XPO6: variants seen among roughly 807,000 people sequenced by gnomAD.
XPO6 encodes the protein exportin-6.
XPO6 carries 3 observed loss-of-function variants against 130.0 expected under a neutral mutation model. The observed-to-expected ratio is 0.02, with a 90% CI of 0.01 to 0.06. The LOEUF (loss-of-function observed/expected upper bound fraction) is 0.06. XPO6 is among the 10% of genes least tolerant of loss of function. The pLI is 1.00. For synonymous variants in XPO6, 524 were observed against 548.9 expected (o/e 0.95, Z 0.63); for missense variants, 970 against 1,393.0 (o/e 0.70, Z 4.83).
In XPO6 at chr16:28,107,616, C is replaced by T. The variant is rs1224924771; in HGVS notation, c.2403G>A (p.Gly801=). The stretch of plus-strand genomic sequence containing the variant: ...AAATCTGTCGAGACTTGGTGGACTC[C>T]CCCGAGATATTCTCCACAATATCTT... The part of the protein sequence containing the change: ...VLEDIVENIS[G]ESTKSRQICY... Residue 801 remains glycine, a synonymous_variant, in exon 18 of 24, where the codon GGG becomes GGA. Coordinates refer to ENST00000304658, the MANE Select transcript of XPO6 (RefSeq NM_015171.4). 1 of 1,614,022 alleles carries T rather than the reference C, an allele frequency of 6.2e-7. No individual in the cohort carries two copies. Among genetic ancestry groups the T allele is most frequent in the African/African-American group, 1.3e-5 (1 of 74,918 alleles).
rs1596766964 is a variant in XPO6 at position 28,100,464 on chromosome 16, A to G, written c.3276+994T>C. 4.6e-5 allele frequency among the ~76,000 whole-genome samples: 7 copies of G among 152,196 alleles called. No homozygotes were observed. The South Asian group carries it at 1.4e-3, about 32-fold the overall frequency. On this transcript the variant is annotated intron_variant, in intron 23 of 23. Coordinates refer to ENST00000304658, the MANE Select transcript of XPO6 (RefSeq NM_015171.4). ...GAGAACAAGTCCCAAGAAAAGGAAG[A>G]CCCCAAGACAAAGGAGAACAGGATG...
chr16:28,112,160 T>G (rs2086940214), intron 16 of XPO6, among the ~76,000 whole-genome samples, 154 bp from the exon 17 acceptor site: 1 of 152,170 alleles, frequency 6.6e-6, no homozygotes, highest in Non-Finnish European at 1.5e-5. Context: ...TTGGTCCAAC[T>G]GGAAGGCAAC....
intron 1 of XPO6, among the ~76,000 whole-genome samples, chr16:28,195,122 G>T (rs1403555729): frequency 6.6e-6 from 1 of 151,858 alleles, no homozygotes; most frequent in Non-Finnish European, 1.5e-5. Context: ...CTCATACAGG[G>T]ATGGCAAGAC....
chr16:28,168,736 G>C (rs1263834809), intron 5 of XPO6, among the ~76,000 whole-genome samples: 1 of 151,218 alleles, frequency 6.6e-6, no homozygotes, highest in Non-Finnish European at 1.5e-5. Flanking sequence ...TGAGTAGCTG[G>C]GACTACAGGC....
chr16:28,169,112 C>T (rs1287894602), intron 5 of XPO6, among the ~76,000 whole-genome samples: 2 of 152,236 alleles, frequency 1.3e-5, no homozygotes, highest in Non-Finnish European at 2.9e-5. Context: ...CAGGGCCTCA[C>T]GGCCAGGCAT....
At position 28,113,429 on chromosome 16, in the gene XPO6, G is replaced by A. The variant is rs1013098355; in HGVS notation, c.2005-379C>T. ...GTTCCAGCAGAGCCAAGATCTCCCC[G>A]AGCCCCCGACTCTTCTGTGCCTTAA... is the stretch of plus-strand genomic sequence containing the variant. On this transcript the variant is annotated intron_variant, in intron 15 of 23. Coordinates refer to ENST00000304658, the MANE Select transcript of XPO6 (RefSeq NM_015171.4). Among the ~76,000 whole-genome samples, 13 of 152,102 alleles carry A rather than the reference G, an allele frequency of 8.5e-5. No individual in the cohort carries two copies. In the East Asian group the frequency reaches 1.9e-3, roughly 23 times the overall value.
chr16:28,117,477 G>A lies in XPO6; in HGVS notation c.1860-15C>T, dbSNP rs1163899252. On this transcript the variant is annotated splice_polypyrimidine_tract_variant and intron_variant, in intron 14 of 23. Transcript: ENST00000304658. Reference sequence around the variant, plus strand: ...ACTGAGCATGCCTGCAGAAAGAAAAGAAGATGTGATTTTAAAGGTTAAGGT... The same window carrying A: ...ACTGAGCATGCCTGCAGAAAGAAAAAAAGATGTGATTTTAAAGGTTAAGGT... The A allele has an allele frequency of 6.2e-7, 1 of 1,609,410 alleles. No homozygotes were observed. Among genetic ancestry groups the A allele is most frequent in the South Asian group, 1.1e-5 (1 of 90,998 alleles).
At chr16:28,178,113 T>C (rs554473890) in intron 2 of XPO6, among the ~76,000 whole-genome samples, 20 of 152,232 alleles carry the variant, frequency 1.3e-4, no homozygotes, top group African/African-American at 4.8e-4. Context: ...GGTCATGAAA[T>C]ATAATCCAAA....
Position 28,107,635 on chromosome 16 carries a change from A to G in XPO6, c.2384T>C (p.Ile795Thr), listed in dbSNP as rs2086815739. 1 of 1,614,094 alleles carries G rather than the reference A, an allele frequency of 6.2e-7. No homozygotes were observed. ...GGACTCCCCCGAGATATTCTCCACAATATCTTCTAAGACGCTGAGTGTCTG... is the reference window on the plus strand; with the variant it reads ...GGACTCCCCCGAGATATTCTCCACAGTATCTTCTAAGACGCTGAGTGTCTG... Reference protein sequence around the residue: ...IHQTLSVLEDIVENISGESTK... With the variant: ...IHQTLSVLEDTVENISGESTK... Residue 795 changes from isoleucine (I) to threonine (T), a missense_variant, in exon 18 of 24, where the codon ATT (isoleucine) becomes ACT (threonine). Ile to Thr is a moderately conservative substitution (Grantham distance 89). Transcript: ENST00000304658.
intron 17 of XPO6, among the ~76,000 whole-genome samples, chr16:28,110,635 T>C (rs2086895532): frequency 6.6e-6 from 1 of 152,238 alleles, no homozygotes; most frequent in African/African-American, 2.4e-5. Context: ...TTACACGTGA[T>C]AAAGCATGAC....
intron 9 of XPO6, among the ~76,000 whole-genome samples, chr16:28,139,065 T>G (rs2042836331): frequency 6.6e-6 from 1 of 152,164 alleles, no homozygotes; most frequent in African/African-American, 2.4e-5. Context: ...AAGTACTCAT[T>G]CATATATTGA....
At chr16:28,143,931 G>A (rs1042424034) in intron 9 of XPO6, among the ~76,000 whole-genome samples, 16 of 152,136 alleles carry the variant, frequency 1.1e-4, no homozygotes, top group African/African-American at 2.6e-4. Context: ...CACCGCACTC[G>A]GCCTTGTACT....
intron 6 of XPO6, among the ~76,000 whole-genome samples, chr16:28,157,727 G>T (rs1399267434): frequency 2.0e-5 from 3 of 152,156 alleles, no homozygotes; most frequent in African/African-American, 4.8e-5. Context: ...ATCAGAAAAA[G>T]CAAATTAAAA....
chr16:28,184,677 A>G (rs2043667364), intron 1 of XPO6, among the ~76,000 whole-genome samples: 1 of 152,166 alleles, frequency 6.6e-6, no homozygotes, highest in Non-Finnish European at 1.5e-5. Flanking sequence ...GTATTCAAAA[A>G]GCCTATAAAT....
At chr16:28,100,022 C>A (rs572927636) in intron 23 of XPO6, among the ~76,000 whole-genome samples, 2 of 152,038 alleles carry the variant, frequency 1.3e-5, no homozygotes, top group African/African-American at 4.8e-5. Flanking sequence ...AAGTCCCACT[C>A]TGCCGCCCAG....
At chr16:28,178,919 T>C (rs1044062915) in intron 2 of XPO6, among the ~76,000 whole-genome samples, 11 of 151,906 alleles carry the variant, frequency 7.2e-5, no homozygotes, top group Admixed American at 2.0e-4. Flanking sequence ...ATACAAAAAT[T>C]AGCTGGGCGT....
In XPO6 at chr16:28,146,271, G is replaced by T. The variant is rs547244793; in HGVS notation, c.1225-68C>A. ...TACTATTCCTTAGAAACACACACAT[G>T]CCAGTGTTTAATTCCAGCAGAATGA... On this transcript the variant is annotated intron_variant, in intron 8 of 23. Transcript: ENST00000304658. The T allele has an allele frequency of 2.9e-5, 33 of 1,142,010 alleles. 2 individuals are homozygous for T. In the African/African-American group the frequency reaches 3.8e-4, roughly 13 times the overall value. The allele number at this position is 1,142,010 out of a possible 1,614,324, so 70.7% of individuals were successfully genotyped here.
chr16:28,181,522 T>TG (rs1347266895), intron 1 of XPO6, among the ~76,000 whole-genome samples: 22 of 151,346 alleles, frequency 1.5e-4, no homozygotes, highest in Non-Finnish European at 2.4e-4. Context: ...AGAGTGGTTT[T>TG]TTTTTTTTTA....
At chr16:28,197,999 C>A (rs2141901551) in intron 1 of XPO6, among the ~76,000 whole-genome samples, 1 of 131,082 alleles carries the variant, frequency 7.6e-6, no homozygotes, top group East Asian at 2.7e-4. Context: ...ACCCTCATAC[C>A]CTTGGGCCCT....
Sources: gnomAD v4.1 joint callset for allele counts (sites outside exome capture counted in the v4.1 genomes callset) on GRCh38, gnomAD v4.1.1 for gene constraint, MANE v1.5 for transcripts, NCBI Gene and HGNC (gene_info 2026-07-23, HGNC 2026-07-21) for gene names.